Variants in HERC1 observed in about 807,000 individuals in gnomAD.
HERC1 encodes the protein HECT and RLD domain containing E3 ubiquitin protein ligase family member 1.
HERC1 carries 160 observed loss-of-function variants against 554.3 expected under a neutral mutation model. The ratio of observed to expected loss-of-function variants is 0.29; its 90% CI spans 0.25 to 0.33. The LOEUF (loss-of-function observed/expected upper bound fraction) is 0.33, where lower values mean the gene tolerates loss of function less well. HERC1 is among the 10% of genes least tolerant of loss of function. HERC1 has a pLI of 1.00. For missense variants in HERC1, 4,919 were observed against 5,918.5 expected (o/e 0.83, Z 5.54); for synonymous variants, 2,175 against 2,131.7 (o/e 1.02, Z -0.56).
chr15:63,744,148 GTGTGTGTGTGTGTGTGTCTCTC>G (rs2074951498), intron 12 of HERC1, among the ~76,000 whole-genome samples: 2 of 42,438 alleles, frequency 4.7e-5, no homozygotes, highest in African/African-American at 1.4e-4. Flanking sequence ...GTGTGTGTGT[GTGTGTGTGTGTGTGTGTCTCTC>G]TCTCTCTCTC....
intron 1 of HERC1, among the ~76,000 whole-genome samples, chr15:63,793,137 T>C (rs1361372152): frequency 2.0e-5 from 3 of 152,172 alleles, no homozygotes; most frequent in Non-Finnish European, 4.4e-5. Flanking sequence ...GCCAGAGGCG[T>C]CTGAACCAGA....
At chr15:63,721,401 C>A (rs1444746796) in intron 19 of HERC1, among the ~76,000 whole-genome samples, 1 of 152,130 alleles carries the variant, frequency 6.6e-6, no homozygotes, top group African/African-American at 2.4e-5. Flanking sequence ...TGGTGCAGGC[C>A]TGTAATCCCA....
chr15:63,710,542 T>G (rs1026372848), intron 24 of HERC1, among the ~76,000 whole-genome samples: 2 of 152,212 alleles, frequency 1.3e-5, no homozygotes, highest in Non-Finnish European at 2.9e-5. Flanking sequence ...AAAAAATTCC[T>G]GTCCTTAAAG....
At chr15:63,764,786 G>A (rs1346434147) in intron 2 of HERC1, among the ~76,000 whole-genome samples, 1 of 152,164 alleles carries the variant, frequency 6.6e-6, no homozygotes, top group Non-Finnish European at 1.5e-5. Context: ...CAGCACCAGG[G>A]AAAGGCAGTC....
At chr15:63,816,016 C>G (rs1036469023) in intron 1 of HERC1, among the ~76,000 whole-genome samples, 1 of 152,086 alleles carries the variant, frequency 6.6e-6, no homozygotes, top group Non-Finnish European at 1.5e-5. Context: ...TACCTCCCAC[C>G]GGGTCCCTCC....
At position 63,749,383 on chromosome 15, in the gene HERC1, C is replaced by T. The variant is rs368641226; in HGVS notation, c.2203G>A (p.Ala735Thr). The change falls in exon 10 of 78, where the codon GCT becomes ACT. Residue 735 changes from alanine (A) to threonine (T), a missense_variant. Transcript: ENST00000443617. This position sits in a 1 kb window ranked among gnomAD's most constrained non-coding sequence, Gnocchi z 4.1. ...CACTCTTACCTGTCCCTAGGAAGAG[C>T]AGTCCATGCCAGACTATGTGATGTT... ...AGTSHSLAWT[A>T]LPRDRQVVAW... The T allele has an allele frequency of 1.2e-5, 20 of 1,606,160 alleles. No homozygotes were observed. The highest frequency in any genetic ancestry group is 1.6e-5 in the Non-Finnish European group (19 of 1,177,282).
chr15:63,714,240 C>CA (rs1333564198), intron 22 of HERC1, among the ~76,000 whole-genome samples: 1 of 151,912 alleles, frequency 6.6e-6, no homozygotes, highest in Non-Finnish European at 1.5e-5. Context: ...TTAGTTACAA[C>CA]AAAAAATTCC....
At chr15:63,825,466 A>G (rs1406931121) in intron 1 of HERC1, among the ~76,000 whole-genome samples, 1 of 152,200 alleles carries the variant, frequency 6.6e-6, no homozygotes, top group African/African-American at 2.4e-5. Context: ...TTCACTATGT[A>G]TATCAAAACA....
intron 1 of HERC1, among the ~76,000 whole-genome samples, chr15:63,778,476 G>A (rs1354444440): frequency 1.3e-5 from 2 of 152,154 alleles, no homozygotes; most frequent in African/African-American, 2.4e-5. Context: ...TTGAAACGCA[G>A]AGGAAAGAAA....
Position 63,694,328 on chromosome 15 carries a change from G to T in HERC1, c.5464C>A (p.Leu1822Ile). ...KVASTRLLQI[L>I]AITTGTYADK... ...CATACTTACCCAGTAGTGATGGCTA[G>T]AATCTGGAGCAACCTTGTACTGGCC... The change falls in exon 29 of 78, where the codon CTA becomes ATA. Residue 1822 changes from leucine (L) to isoleucine (I), a missense_variant. Transcript: ENST00000443617. The surrounding 1 kb of genome is among the most constrained non-coding windows in gnomAD (Gnocchi z 4.3). 1.2e-6 allele frequency: 2 copies of T among 1,613,410 alleles called. No individual in the cohort carries two copies. The highest frequency in any genetic ancestry group is 1.7e-6 in the Non-Finnish European group (2 of 1,179,600).
intron 24 of HERC1, among the ~76,000 whole-genome samples, chr15:63,707,435 A>C (rs2073065851): frequency 6.6e-6 from 1 of 152,250 alleles, no homozygotes. Flanking sequence ...TACAAGAAGA[A>C]TGGAAGTATA....
chr15:63,644,277 C>A (rs2069214020), intron 57 of HERC1, among the ~76,000 whole-genome samples: 1 of 152,218 alleles, frequency 6.6e-6, no homozygotes, highest in Admixed American at 6.5e-5. Context: ...AGGAAGGCAA[C>A]AGAATGTACA....
At position 63,678,033 on chromosome 15, in the gene HERC1, C is replaced by T. The variant is rs2071292810; in HGVS notation, c.6882G>A (p.Leu2294=). ...CCTCTATGCAAAGAGTCCTCAGCTG[C>T]AGCTCTGAGAGGTCAGCGAGGCCAT... is the stretch of plus-strand genomic sequence containing the variant. ...TRHGLADLSE[L]QLRTLCIEVW... The change falls in exon 37 of 78, where the codon CTG becomes CTA. Residue 2294 remains leucine, a synonymous_variant. Coordinates refer to ENST00000443617, the MANE Select transcript of HERC1 (RefSeq NM_003922.4). 5 of 1,614,024 alleles carry T rather than the reference C, an allele frequency of 3.1e-6. No individual in the cohort carries two copies. The highest frequency in any genetic ancestry group is 3.4e-6 in the Non-Finnish European group (4 of 1,179,884).
chr15:63,721,992 C>T (rs935758699), intron 19 of HERC1, among the ~76,000 whole-genome samples: 1 of 152,172 alleles, frequency 6.6e-6, no homozygotes, highest in Non-Finnish European at 1.5e-5. Flanking sequence ...TCCCGAGTAG[C>T]TGGGATTACA....
intron 2 of HERC1, among the ~76,000 whole-genome samples, chr15:63,766,148 T>C (rs1027450624): frequency 1.3e-5 from 2 of 151,976 alleles, no homozygotes; most frequent in African/African-American, 4.8e-5. Context: ...TTATTAACTA[T>C]TAGTAAATAT....
chr15:63,660,825 T>C, intron 46 of HERC1, 148 bp downstream of exon 46: 1 of 537,734 alleles, frequency 1.9e-6, no homozygotes. Flanking sequence ...GCTATTAAAT[T>C]CCCTTGAGTT....
At chr15:63,825,649 T>C (rs1318619415) in intron 1 of HERC1, among the ~76,000 whole-genome samples, 1 of 152,168 alleles carries the variant, frequency 6.6e-6, no homozygotes, top group African/African-American at 2.4e-5. Context: ...GCAGCAAAGG[T>C]GATTGTACTT....
intron 3 of HERC1, among the ~76,000 whole-genome samples, chr15:63,763,317 C>T (rs1279865873): frequency 6.6e-6 from 1 of 152,148 alleles, no homozygotes; most frequent in Non-Finnish European, 1.5e-5. Flanking sequence ...CAAAGAGAGA[C>T]AACCAGATAG....
At chr15:63,737,342 C>T (rs1464785497) in intron 12 of HERC1, among the ~76,000 whole-genome samples, 1 of 145,310 alleles carries the variant, frequency 6.9e-6, no homozygotes, top group Non-Finnish European at 1.5e-5. Flanking sequence ...ATCAACAAAA[C>T]ACTTCCAGAT....
Sources: gnomAD v4.1 joint callset for allele counts (sites outside exome capture counted in the v4.1 genomes callset) on GRCh38, gnomAD v4.1.1 for gene constraint, Gnocchi (gnomAD v3.1) non-coding constraint, MANE v1.5 for transcripts, NCBI Gene and HGNC (gene_info 2026-07-23, HGNC 2026-07-21) for gene names.